The following CRHR2 variants were observed in gnomAD, a reference collection of about 807,000 sequenced individuals.
CRHR2 encodes corticotropin-releasing hormone receptor 2.
A neutral mutation model predicts 57.9 loss-of-function variants in CRHR2; 53 were observed. The observed-to-expected ratio is 0.92, with a 90% CI of 0.73 to 1.15. The LOEUF (loss-of-function observed/expected upper bound fraction) is 1.15. Ranked by LOEUF, CRHR2 falls within the 50% of genes most tolerant of loss-of-function variation. The pLI, the probability that CRHR2 is intolerant of heterozygous loss-of-function variation, is 0.00. For missense variants in CRHR2, 532 were observed against 542.6 expected, an observed-to-expected ratio of 0.98 and a Z score of 0.19; for synonymous variants, 213 against 220.9, an observed-to-expected ratio of 0.96 and a Z score of 0.32.
intron 2 of CRHR2, among the ~76,000 whole-genome samples, chr7:30,678,784 C>T (rs1477090182): frequency 6.6e-6 from 1 of 152,208 alleles, no homozygotes. Flanking sequence ...TGCCATCTCT[C>T]ACCATATCTT....
At chr7:30,689,866 C>G (rs1258760575) in intron 1 of CRHR2, among the ~76,000 whole-genome samples, 7 of 152,198 alleles carry the variant, frequency 4.6e-5, no homozygotes, top group Non-Finnish European at 1.0e-4. Flanking sequence ...AGTGCCTAAC[C>G]TGGATTCAGG....
chr7:30,655,815 G>A, intron 9 of CRHR2, 100 bp from the exon 10 acceptor site: 1 of 1,590,024 alleles, frequency 6.3e-7, no homozygotes, highest in Admixed American at 1.7e-5. Context: ...CCGGGAGCTT[G>A]AGCGAGCTCC....
upstream of CRHR2, chr7:30,682,462 C>G: frequency 3.0e-6 from 4 of 1,335,966 alleles, no homozygotes; most frequent in Non-Finnish European, 2.9e-6. Flanking sequence ...CAAGTGGGGA[C>G]CTTCCCGGAG....
chr7:30,700,010 TG>T (rs1213350276), exon 1 of CRHR2: 7 of 1,440,890 alleles, frequency 4.9e-6, no homozygotes, highest in South Asian at 3.0e-5. Flanking sequence ...AGAGGAGGCC[TG>T]GGGGCCCTGA....
At chr7:30,660,749 T>A (rs184573477) in intron 7 of CRHR2, 104 bp from the exon 8 acceptor site, 36 of 1,056,512 alleles carry the variant, frequency 3.4e-5, no homozygotes, top group Admixed American at 2.9e-4. Flanking sequence ...TGAGACCCAA[T>A]CTCCAGGACT....
chr7:30,661,923 C>G (rs1784014342), intron 7 of CRHR2, among the ~76,000 whole-genome samples: 1 of 152,180 alleles, frequency 6.6e-6, no homozygotes, highest in South Asian at 2.1e-4. Context: ...GGTCGGGGGG[C>G]ACTTCAAGGA....
chr7:30,693,818 T>C (rs767892636), intron 1 of CRHR2, among the ~76,000 whole-genome samples: 9 of 152,150 alleles, frequency 5.9e-5, no homozygotes, highest in Non-Finnish European at 1.2e-4. Context: ...CCCAGAGAAG[T>C]GGAGAATTGC....
chr7:30,688,707 G>A, intron 2 of CRHR2: 1 of 429,136 alleles, frequency 2.3e-6, no homozygotes, highest in South Asian at 1.7e-5. Context: ...CAGAATCCAG[G>A]GCTCTGTGCA....
chr7:30,675,932 A>T (rs1784502465), intron 2 of CRHR2, among the ~76,000 whole-genome samples: 1 of 152,188 alleles, frequency 6.6e-6, no homozygotes, highest in South Asian at 2.1e-4. Flanking sequence ...GAACCCCAAT[A>T]AGGGGTGAGC....
At chr7:30,684,178 G>A (rs937723569), upstream of CRHR2, among the ~76,000 whole-genome samples, 7 of 152,214 alleles carry the variant, frequency 4.6e-5, no homozygotes, top group African/African-American at 1.7e-4. Flanking sequence ...CCAGTGCCAG[G>A]AGCAGGGGAG....
Position 30,688,295 on chromosome 7 carries a change from G to C in CRHR2, c.-167+896C>G, listed in dbSNP as rs116004834. Among the ~76,000 whole-genome samples, 273 of 152,288 alleles carry C rather than the reference G, an allele frequency of 1.8e-3. 1 individual carries two copies. The highest frequency in any genetic ancestry group is 6.4e-3 in the African/African-American group (268 of 41,562). ...CTTGATCTTGGCCTACCAGCCTCCAGAATGGTGATGAAATCAGCTTCTGCT... is the reference window on the plus strand; with the variant it reads ...CTTGATCTTGGCCTACCAGCCTCCACAATGGTGATGAAATCAGCTTCTGCT... On this transcript the variant is annotated intron_variant, in intron 2 of 13. Coordinates refer to the CRHR2 transcript ENST00000341843.
In CRHR2 at chr7:30,653,228, CA is replaced by C; in HGVS notation, c.*231del. On this transcript the variant is annotated 3_prime_UTR_variant, in exon 12 of 12. Coordinates refer to ENST00000471646, the MANE Select transcript of CRHR2 (RefSeq NM_001883.5). This position sits in a 1 kb window ranked among gnomAD's most constrained non-coding sequence, Gnocchi z 5.0. ...CTGCAGACATCTGACTGGCTCTTCTCAGGGGGTCCTGTGAATTCCCTCTGCT... is the reference window on the plus strand; with the variant it reads ...CTGCAGACATCTGACTGGCTCTTCTCGGGGGTCCTGTGAATTCCCTCTGCT... The C allele has an allele frequency of 1.8e-6, 1 of 549,628 alleles. No homozygotes were observed. Among genetic ancestry groups the C allele is most frequent in the South Asian group, 2.4e-5 (1 of 41,082 alleles). The allele number at this position is 549,628 out of a possible 1,614,324, so 34.0% of individuals were successfully genotyped here.
intron 8 of CRHR2, among the ~76,000 whole-genome samples, chr7:30,658,286 G>A (rs1016741566): frequency 1.3e-5 from 2 of 152,066 alleles, no homozygotes; most frequent in African/African-American, 2.4e-5. Context: ...CCCTGCCCTC[G>A]TTCAGCCTGT....
At position 30,660,655 on chromosome 7, in the gene CRHR2, TG is replaced by T; in HGVS notation, c.759-11del. 1 of 1,560,608 alleles carries T rather than the reference TG, an allele frequency of 6.4e-7. No individual in the cohort carries two copies. Among genetic ancestry groups the T allele is most frequent in the Non-Finnish European group, 8.7e-7 (1 of 1,152,386 alleles). On this transcript the variant is annotated splice_polypyrimidine_tract_variant and intron_variant, in intron 7 of 11. Coordinates refer to ENST00000471646, the MANE Select transcript of CRHR2 (RefSeq NM_001883.5). ...CTTGCCAAACCAGCACCTGTGAAGA[TG>T]GGGTGGCTGTAGGGGGCCTCCTGAG...
chr7:30,676,319 G>A (rs1438630604), intron 2 of CRHR2, among the ~76,000 whole-genome samples: 8 of 152,278 alleles, frequency 5.3e-5, no homozygotes, highest in African/African-American at 1.9e-4. Flanking sequence ...CTCCCAGCAG[G>A]GAAGTTGTTC....
At position 30,670,629 on chromosome 7, in the gene CRHR2, C is replaced by T. The variant is rs567440206; in HGVS notation, c.230-3316G>A. ...CCCCACTCTTCAGGGGAGCTGTCTGCTGTGGCCAATGAGGGCACTGGGCCC... is the reference window on the plus strand; with the variant it reads ...CCCCACTCTTCAGGGGAGCTGTCTGTTGTGGCCAATGAGGGCACTGGGCCC... On this transcript the variant is annotated intron_variant, in intron 2 of 11. Coordinates refer to ENST00000471646, the MANE Select transcript of CRHR2 (RefSeq NM_001883.5). Among the ~76,000 whole-genome samples, 5 of 152,372 alleles carry T rather than the reference C, an allele frequency of 3.3e-5. No individual in the cohort carries two copies. In the South Asian group the frequency reaches 1.0e-3, roughly 32 times the overall value.
chr7:30,688,404 G>A (rs867839401), intron 2 of CRHR2, among the ~76,000 whole-genome samples: 5 of 152,274 alleles, frequency 3.3e-5, no homozygotes, highest in Middle Eastern at 6.8e-3. Flanking sequence ...GGGGCTGGGC[G>A]AGGCCGCTGG....
chr7:30,662,465 C>T (rs1363515349), intron 6 of CRHR2, among the ~76,000 whole-genome samples: 1 of 152,200 alleles, frequency 6.6e-6, no homozygotes, highest in African/African-American at 2.4e-5. Context: ...AGACAAAGGC[C>T]TTTGGACAGG....
intron 7 of CRHR2, among the ~76,000 whole-genome samples, chr7:30,661,916 C>T (rs963176435): frequency 6.6e-6 from 1 of 152,166 alleles, no homozygotes; most frequent in African/African-American, 2.4e-5. Flanking sequence ...TGCGTTGGGT[C>T]GGGGGGCACT....
Sources: gnomAD v4.1 joint callset for allele counts (sites outside exome capture counted in the v4.1 genomes callset) on GRCh38, gnomAD v4.1.1 for gene constraint, Gnocchi (gnomAD v3.1) non-coding constraint, MANE v1.5 for transcripts, NCBI Gene and HGNC (gene_info 2026-07-23, HGNC 2026-07-21) for gene names.